The following MYO18B variants were observed in gnomAD, a reference collection of about 807,000 sequenced individuals.
The protein encoded by MYO18B is unconventional myosin-XVIIIb.
MYO18B carries 204 observed loss-of-function variants against 273.0 expected under a neutral mutation model. That is an observed-to-expected ratio of 0.75 (90% CI 0.67 to 0.84). The LOEUF is 0.84. Among genes scored for constraint, MYO18B ranks in the 40% least tolerant of loss-of-function variants. The probability of loss-of-function intolerance (pLI) is 0.00; values close to 1 mark genes in which losing one functional copy is unlikely to be tolerated. For missense variants in MYO18B, 3,212 were observed against 3,287.6 expected (o/e 0.98, Z 0.56); for synonymous variants, 1,330 against 1,305.7 (o/e 1.02, Z -0.40).
chr22:26,046,490 T>A, the MYO18B span, among the ~76,000 whole-genome samples: 2 of 152,214 alleles, frequency 1.3e-5, no homozygotes, highest in Non-Finnish European at 2.9e-5. Context: ...TTTTGCTTCC[T>A]TTATCTAATC....
At chr22:25,872,042 G>A (rs1046655307) in intron 22 of MYO18B, among the ~76,000 whole-genome samples, 1 of 151,878 alleles carries the variant, frequency 6.6e-6, no homozygotes, top group African/African-American at 2.4e-5. Flanking sequence ...CATTATTGAA[G>A]CAATCTGATA....
At chr22:25,754,893 C>T (rs947347252) in intron 1 of MYO18B, among the ~76,000 whole-genome samples, 3 of 152,314 alleles carry the variant, frequency 2.0e-5, no homozygotes, top group Non-Finnish European at 2.9e-5. Context: ...CTAAGGACAG[C>T]CCCTACGACA....
chr22:25,760,930 C>T (rs2086291931), intron 1 of MYO18B, 54 bp from the exon 2 acceptor site: 2 of 762,964 alleles, frequency 2.6e-6, no homozygotes, highest in Non-Finnish European at 4.4e-6. Context: ...TAGGGCTGTG[C>T]CCATGAGCTA....
the MYO18B span, among the ~76,000 whole-genome samples, chr22:26,038,040 A>T: frequency 6.6e-6 from 1 of 152,220 alleles, no homozygotes; most frequent in Non-Finnish European, 1.5e-5. Context: ...ATTATTTTAT[A>T]TGCAGAAACA....
At chr22:26,042,163 A>G in the MYO18B span, among the ~76,000 whole-genome samples, 1 of 152,220 alleles carries the variant, frequency 6.6e-6, no homozygotes, top group African/African-American at 2.4e-5. Flanking sequence ...CTCCCCCACC[A>G]GGTGTCAGGC....
Position 25,895,265 on chromosome 22 carries a change from A to G in MYO18B, c.4653A>G (p.Lys1551=), listed in dbSNP as rs776944171. 6.2e-7 allele frequency: 1 copy of G among 1,601,874 alleles called. No homozygotes were observed. The highest frequency in any genetic ancestry group is 1.3e-5 in the African/African-American group (1 of 74,768). ...ERLDSELTAR[K]ELEQKLGELQ... ...TGGACTCGGAGCTGACAGCCAGGAA[A>G]GAGCTGGAGCAAAAGGTAAGATGTG... Residue 1551 remains lysine (K), a synonymous_variant, in exon 28 of 44, where the codon AAA becomes AAG. Coordinates refer to ENST00000335473, the MANE Select transcript of MYO18B (RefSeq NM_032608.7).
intron 20 of MYO18B, among the ~76,000 whole-genome samples, chr22:25,850,796 G>C (rs1357688044): frequency 6.6e-6 from 1 of 152,046 alleles, no homozygotes; most frequent in South Asian, 2.1e-4. Flanking sequence ...ATACTTCCCT[G>C]TTCTAGGTCT....
downstream of MYO18B, among the ~76,000 whole-genome samples, chr22:26,034,476 C>G (rs1936739765): frequency 6.6e-6 from 1 of 152,220 alleles, no homozygotes; most frequent in Non-Finnish European, 1.5e-5. Context: ...GAATCAAGAG[C>G]TCATGAATCA....
intron 39 of MYO18B, among the ~76,000 whole-genome samples, chr22:25,971,957 A>T (rs931201471): frequency 3.3e-5 from 5 of 151,886 alleles, no homozygotes; most frequent in Admixed American, 1.3e-4. Flanking sequence ...AAAAAAAAAA[A>T]ATTTTTTTAG....
chr22:25,807,792 C>T (rs8135106), intron 12 of MYO18B, among the ~76,000 whole-genome samples: 40,913 of 151,900 alleles, frequency 0.27, 5,747 homozygotes, highest in African/African-American at 0.32. Context: ...GATTCTAGGA[C>T]GTATAGGATG....
At chr22:25,842,744 G>A (rs2090122512) in intron 17 of MYO18B, among the ~76,000 whole-genome samples, 1 of 151,458 alleles carries the variant, frequency 6.6e-6, no homozygotes, top group South Asian at 2.1e-4. Context: ...ACCTGTGACT[G>A]CAACCTGTGA....
intron 25 of MYO18B, among the ~76,000 whole-genome samples, chr22:25,889,054 A>G (rs920822838): frequency 6.6e-6 from 1 of 150,568 alleles, no homozygotes; most frequent in African/African-American, 2.5e-5. Flanking sequence ...AGGAAAAAAA[A>G]AAAAATCTCA....
At chr22:26,008,015 T>G (rs1934574481) in intron 42 of MYO18B, among the ~76,000 whole-genome samples, 2 of 152,220 alleles carry the variant, frequency 1.3e-5, no homozygotes, top group African/African-American at 4.8e-5. Flanking sequence ...ATAGCATATT[T>G]GTGAGATTTT....
chr22:25,754,129 G>A (rs1397062166), intron 1 of MYO18B, among the ~76,000 whole-genome samples: 1 of 152,194 alleles, frequency 6.6e-6, no homozygotes, highest in East Asian at 1.9e-4. Flanking sequence ...GGCCTTCATA[G>A]GGGCTGCTCT....
chr22:25,804,746 CAG>C (rs1569043972), intron 12 of MYO18B, among the ~76,000 whole-genome samples: 1 of 152,220 alleles, frequency 6.6e-6, no homozygotes, highest in Non-Finnish European at 1.5e-5. Context: ...GCCTGGATGT[CAG>C]GGGGTGGCCC....
chr22:25,890,238 C>T (rs2091620348), intron 25 of MYO18B, among the ~76,000 whole-genome samples: 1 of 152,224 alleles, frequency 6.6e-6, no homozygotes, highest in Non-Finnish European at 1.5e-5. Context: ...ATGCCTGTCA[C>T]CTGCTAGAGG....
intron 27 of MYO18B, among the ~76,000 whole-genome samples, chr22:25,892,900 C>T (rs960638970): frequency 6.6e-6 from 1 of 152,098 alleles, no homozygotes; most frequent in Non-Finnish European, 1.5e-5. Flanking sequence ...GTTCCATCTG[C>T]GTGAAATTCA....
chr22:25,824,971 C>G (rs528912006), intron 13 of MYO18B, among the ~76,000 whole-genome samples: 1 of 152,062 alleles, frequency 6.6e-6, no homozygotes, highest in Non-Finnish European at 1.5e-5. Context: ...ATACACAGCA[C>G]ACACACAGAT....
At chr22:25,793,521 G>C (rs370343144) in intron 11 of MYO18B, among the ~76,000 whole-genome samples, 1 of 152,152 alleles carries the variant, frequency 6.6e-6, no homozygotes, top group East Asian at 1.9e-4. Flanking sequence ...TGACAGGCAT[G>C]AGCCACCACA....
Sources: allele counts gnomAD v4.1 joint callset (sites outside exome capture counted in the v4.1 genomes callset), GRCh38; gene constraint gnomAD v4.1.1; transcripts MANE v1.5; gene names NCBI Gene and HGNC (gene_info 2026-07-23, HGNC 2026-07-21).